The following NPAS3 variants were observed in gnomAD, a reference collection of about 807,000 sequenced individuals.
NPAS3 encodes the protein neuronal PAS domain protein 3.
Under a neutral mutation model 73.1 loss-of-function variants are expected in NPAS3, and 14 were observed. The ratio of observed to expected loss-of-function variants is 0.19; its 90% CI spans 0.13 to 0.30. The LOEUF (loss-of-function observed/expected upper bound fraction) is 0.30, where lower values mean the gene tolerates loss of function less well. NPAS3 is among the 10% of genes least tolerant of loss of function. The pLI, the probability that NPAS3 is intolerant of heterozygous loss-of-function variation, is 1.00. For missense variants in NPAS3, 1,096 were observed against 1,250.0 expected, an observed-to-expected ratio of 0.88 and a Z score of 1.86; for synonymous variants, 620 against 541.5, an observed-to-expected ratio of 1.14 and a Z score of -2.01.
At chr14:33,356,601 T>G (rs920608404) in intron 3 of NPAS3, among the ~76,000 whole-genome samples, 2 of 152,220 alleles carry the variant, frequency 1.3e-5, no homozygotes, top group Admixed American at 1.3e-4. Context: ...ACTCATTCAC[T>G]CAGTGAATCA....
intron 4 of NPAS3, among the ~76,000 whole-genome samples, chr14:33,400,903 G>T (rs2047417388): frequency 6.8e-6 from 1 of 147,294 alleles, no homozygotes; most frequent in South Asian, 2.2e-4. Context: ...GTTGACTTGG[G>T]TTAGAAACCA....
intron 7 of NPAS3, among the ~76,000 whole-genome samples, chr14:33,756,978 G>T (rs1265860746): frequency 6.6e-6 from 1 of 152,214 alleles, no homozygotes; most frequent in Admixed American, 6.5e-5. Context: ...CTTGAAGAAT[G>T]AATATTATTT....
intron 4 of NPAS3, among the ~76,000 whole-genome samples, chr14:33,474,681 G>A (rs2139644116): frequency 6.6e-6 from 1 of 152,212 alleles, no homozygotes; most frequent in East Asian, 1.9e-4. Context: ...ATAAAGAGAA[G>A]GGTATAAATT....
In NPAS3 at chr14:33,149,691, A is replaced by G. The variant is rs114906502; in HGVS notation, c.141-65491A>G. On this transcript the variant is annotated intron_variant, in intron 2 of 11. Coordinates refer to ENST00000356141, the Ensembl canonical transcript of NPAS3. ...TATTGAATTAAAACAGTAATGTAGA[A>G]AGCCTTTAGATATTTGGTTCTTGAA... 6.8e-3 allele frequency among the ~76,000 whole-genome samples: 1,036 copies of G among 152,294 alleles called. 13 individuals carry two copies. The highest frequency in any genetic ancestry group is 0.024 in the African/African-American group (990 of 41,566).
chr14:32,961,213 A>C (rs569973671), intron 1 of NPAS3, among the ~76,000 whole-genome samples: 9 of 152,054 alleles, frequency 5.9e-5, no homozygotes, highest in African/African-American at 2.2e-4. Flanking sequence ...GGAGGTCGAG[A>C]CCATCCTGGC....
chr14:33,700,311 C>T (rs2060492922), intron 6 of NPAS3, among the ~76,000 whole-genome samples: 1 of 152,166 alleles, frequency 6.6e-6, no homozygotes, highest in African/African-American at 2.4e-5. Flanking sequence ...AAACTGCATC[C>T]GAGCACAGAG....
intron 5 of NPAS3, among the ~76,000 whole-genome samples, chr14:33,669,924 TTTGTTTTTGA>T (rs751869024): frequency 4.4e-4 from 67 of 151,992 alleles, no homozygotes; most frequent in Admixed American, 8.5e-4. Flanking sequence ...TTTGCTTTTG[TTTGTTTTTGA>T]GACAGAGTCT....
intron 4 of NPAS3, among the ~76,000 whole-genome samples, chr14:33,487,696 C>T (rs1019326300): frequency 1.3e-5 from 2 of 152,194 alleles, no homozygotes; most frequent in Non-Finnish European, 2.9e-5. Context: ...TTCTATCATA[C>T]AGCCAGCAAA....
Position 33,800,425 on chromosome 14 carries a change from G to T in NPAS3, c.2118G>T (p.Gly706=). Residue 706 remains glycine, a synonymous_variant, in exon 12 of 12, where the codon GGG becomes GGT. Transcript: ENST00000356141. This position sits in a 1 kb window ranked among gnomAD's most constrained non-coding sequence, Gnocchi z 6.5. ...GCGGTGGGGGTGGCGGTGGCGGGGG[G>T]CTGCACGTGGCCATTCCCGACTCGG... The T allele has an allele frequency of 6.3e-7, 1 of 1,590,326 alleles. No individual in the cohort carries two copies. The highest frequency in any genetic ancestry group is 2.3e-5 in the East Asian group (1 of 42,796).
chr14:33,059,164 C>T (rs1417329810), intron 2 of NPAS3, among the ~76,000 whole-genome samples: 1 of 152,114 alleles, frequency 6.6e-6, no homozygotes, highest in Non-Finnish European at 1.5e-5. Flanking sequence ...ATACATGTAC[C>T]AGCATGTCAT....
At chr14:33,680,202 AT>A (rs1257348822) in intron 6 of NPAS3, among the ~76,000 whole-genome samples, 1 of 152,102 alleles carries the variant, frequency 6.6e-6, no homozygotes, top group African/African-American at 2.4e-5. Context: ...TTTTTCTTAA[AT>A]TTCAGTGCCA....
At chr14:33,259,901 G>A (rs1378765954) in intron 3 of NPAS3, among the ~76,000 whole-genome samples, 2 of 150,712 alleles carry the variant, frequency 1.3e-5, no homozygotes, top group Non-Finnish European at 2.9e-5. Context: ...CATGAAATCA[G>A]ATATGAATCT....
chr14:33,720,700 A>G (rs781099406), intron 6 of NPAS3, among the ~76,000 whole-genome samples: 1 of 152,158 alleles, frequency 6.6e-6, no homozygotes, highest in Non-Finnish European at 1.5e-5. Context: ...AATTTTTCCT[A>G]TTCTTTGAGA....
intron 4 of NPAS3, among the ~76,000 whole-genome samples, chr14:33,447,319 A>G (rs557179695): frequency 6.6e-6 from 1 of 152,326 alleles, no homozygotes; most frequent in Admixed American, 6.5e-5. Context: ...CATGTTGTAC[A>G]ACCTGGCTAT....
chr14:32,986,547 T>C (rs1022243506), intron 1 of NPAS3, among the ~76,000 whole-genome samples: 1 of 152,218 alleles, frequency 6.6e-6, no homozygotes, highest in African/African-American at 2.4e-5. Flanking sequence ...CATTACTATA[T>C]GTCAAGTATG....
intron 2 of NPAS3, among the ~76,000 whole-genome samples, chr14:33,056,899 A>C (rs2040909201): frequency 1.3e-5 from 2 of 152,174 alleles, no homozygotes; most frequent in Admixed American, 1.3e-4. Flanking sequence ...TTGCAAATAT[A>C]CTTTGTTGTG....
At chr14:32,941,166 TC>T (rs2139049849) in intron 1 of NPAS3, among the ~76,000 whole-genome samples, 1 of 151,318 alleles carries the variant, frequency 6.6e-6, no homozygotes, top group East Asian at 2.0e-4. Flanking sequence ...CTTTTTGAAA[TC>T]TGAGGTTTAT....
intron 5 of NPAS3, among the ~76,000 whole-genome samples, chr14:33,625,251 C>T (rs188331403): frequency 6.6e-6 from 1 of 152,296 alleles, no homozygotes; most frequent in East Asian, 1.9e-4. Flanking sequence ...TGGCCTAAGC[C>T]ATCCCAAACA....
intron 1 of NPAS3, among the ~76,000 whole-genome samples, chr14:33,020,856 G>T (rs1355624745): frequency 6.6e-6 from 1 of 152,064 alleles, no homozygotes; most frequent in Non-Finnish European, 1.5e-5. Flanking sequence ...CGCCTCCCGG[G>T]TTCAAGCGAT....
Sources: gnomAD v4.1 joint callset for allele counts (sites outside exome capture counted in the v4.1 genomes callset) on GRCh38, gnomAD v4.1.1 for gene constraint, Gnocchi (gnomAD v3.1) non-coding constraint, MANE v1.5 for transcripts, NCBI Gene and HGNC (gene_info 2026-07-23, HGNC 2026-07-21) for gene names.